The following KPNA3 variants were observed in gnomAD, a reference collection of about 807,000 sequenced individuals.
KPNA3 encodes importin subunit alpha-4.
In KPNA3, 13 loss-of-function variants were observed where a neutral mutation model predicts 73.8. The observed-to-expected ratio is 0.18, with a 90% CI of 0.11 to 0.28. KPNA3 has a LOEUF of 0.28. Ranked by LOEUF, KPNA3 falls within the 10% of genes least tolerant of loss-of-function variation. KPNA3 has a pLI of 1.00. For synonymous variants in KPNA3, 186 were observed against 206.9 expected, an observed-to-expected ratio of 0.90 and a Z score of 0.87; for missense variants, 360 against 618.1, an observed-to-expected ratio of 0.58 and a Z score of 4.43.
At chr13:49,737,561 C>G (rs12430346) in intron 2 of KPNA3, among the ~76,000 whole-genome samples, 2 of 143,066 alleles carry the variant, frequency 1.4e-5, no homozygotes, top group African/African-American at 2.7e-5. Flanking sequence ...GTGTGTGTGT[C>G]TGTGTGTGTG....
At chr13:49,720,247 T>C (rs1954342483) in intron 9 of KPNA3, among the ~76,000 whole-genome samples, 1 of 152,226 alleles carries the variant, frequency 6.6e-6, no homozygotes, top group South Asian at 2.1e-4. Context: ...TTTTACTTAA[T>C]AAGCTACTTA....
intron 1 of KPNA3, among the ~76,000 whole-genome samples, chr13:49,771,866 G>A (rs1413144399): frequency 6.6e-6 from 1 of 152,046 alleles, no homozygotes; most frequent in East Asian, 1.9e-4. Flanking sequence ...ATGTTGCCCA[G>A]GCTGGTCTTG....
intron 10 of KPNA3, among the ~76,000 whole-genome samples, chr13:49,714,429 C>A (rs1173541221): frequency 6.6e-6 from 1 of 152,062 alleles, no homozygotes; most frequent in Non-Finnish European, 1.5e-5. Context: ...AACTACCCTG[C>A]ACACTTTAAT....
intron 1 of KPNA3, among the ~76,000 whole-genome samples, chr13:49,760,726 T>TC (rs1342028278): frequency 6.6e-6 from 1 of 152,144 alleles, no homozygotes. Context: ...GTCAGGCATT[T>TC]GATTAGAATG....
At chr13:49,735,486 A>G (rs754683497) in intron 2 of KPNA3, among the ~76,000 whole-genome samples, 1 of 152,188 alleles carries the variant, frequency 6.6e-6, no homozygotes, top group Admixed American at 6.5e-5. Context: ...CAGGTTTCTA[A>G]TGGTCAGATT....
Position 49,787,781 on chromosome 13 carries a change from G to A in KPNA3, c.69+4657C>T, listed in dbSNP as rs1020037581. On this transcript the variant is annotated intron_variant, in intron 1 of 16. Transcript: ENST00000261667. The stretch of plus-strand genomic sequence containing the variant: ...TGCAAGCTCCGCCTCCCGGGTTCAC[G>A]CCATTCTCCTGCCTCAGCCTCCCGT... 4.6e-5 allele frequency among the ~76,000 whole-genome samples: 7 copies of A among 151,564 alleles called. 1 individual carries two copies. The highest frequency in any genetic ancestry group is 3.4e-3 in the Middle Eastern group (1 of 294).
At chr13:49,744,936 T>C (rs1457841519) in intron 2 of KPNA3, among the ~76,000 whole-genome samples, 2 of 152,196 alleles carry the variant, frequency 1.3e-5, no homozygotes, top group Non-Finnish European at 1.5e-5. Flanking sequence ...AGCTTAAATG[T>C]TATTTCTTCA....
intron 1 of KPNA3, among the ~76,000 whole-genome samples, chr13:49,765,687 C>A (rs1319376275): frequency 1.3e-5 from 2 of 152,148 alleles, no homozygotes; most frequent in Non-Finnish European, 2.9e-5. Flanking sequence ...CAGACACTTA[C>A]CATTCTACCA....
chr13:49,791,295 G>A (rs1193274914), intron 1 of KPNA3, among the ~76,000 whole-genome samples: 1 of 152,152 alleles, frequency 6.6e-6, no homozygotes, highest in Non-Finnish European at 1.5e-5. Flanking sequence ...AAATCATGTC[G>A]CCTAGTATTA....
chr13:49,788,654 G>A (rs6650380), intron 1 of KPNA3, among the ~76,000 whole-genome samples: 13,382 of 151,028 alleles, frequency 0.089, 728 homozygotes, highest in South Asian at 0.23. Context: ...GGGAGGAGGC[G>A]AAGGTTATAG....
chr13:49,725,325 AT>A (rs1178103223), intron 7 of KPNA3, 90 bp downstream of exon 7: 3 of 582,912 alleles, frequency 5.1e-6, no homozygotes, highest in Non-Finnish European at 5.8e-6. Context: ...CATTTAAAAA[AT>A]GTTACAAGAT....
chr13:49,749,692 T>C (rs1954646470), intron 1 of KPNA3, among the ~76,000 whole-genome samples: 1 of 152,216 alleles, frequency 6.6e-6, no homozygotes, highest in African/African-American at 2.4e-5. Flanking sequence ...TATTTATATA[T>C]GCAGCATAAT....
chr13:49,716,163 T>C (rs1954302675), intron 10 of KPNA3, among the ~76,000 whole-genome samples: 1 of 152,168 alleles, frequency 6.6e-6, no homozygotes, highest in South Asian at 2.1e-4. Flanking sequence ...TAGTCTCTAA[T>C]TTTTTATTTT....
intron 12 of KPNA3, among the ~76,000 whole-genome samples, chr13:49,708,371 A>G (rs1954227927): frequency 6.6e-6 from 1 of 152,166 alleles, no homozygotes; most frequent in South Asian, 2.1e-4. Flanking sequence ...TTTTAACAGA[A>G]AATAAACGTT....
Position 49,792,468 on chromosome 13 carries a change from C to T in KPNA3, c.39G>A (p.Lys13=), listed in dbSNP as rs772480272. The change falls in exon 1 of 17, where the codon AAG becomes AAA. Residue 13 remains lysine (K), a synonymous_variant. Coordinates refer to ENST00000261667, the MANE Select transcript of KPNA3 (RefSeq NM_002267.4). The stretch of plus-strand genomic sequence containing the variant: ...CATCGCGGCCCTTGTTCTTGAAGCT[C>T]TTGATGCGGTGGTTCTCCAAGCTGG... The part of the protein sequence containing the change: ...ENPSLENHRI[K]SFKNKGRDVE... 1.4e-5 allele frequency: 22 copies of T among 1,583,722 alleles called. No individual in the cohort carries two copies. The highest frequency in any genetic ancestry group is 1.8e-5 in the Non-Finnish European group (21 of 1,166,620).
At chr13:49,719,630 AATTT>A (rs1325459384) in intron 10 of KPNA3, 141 bp downstream of exon 10, 1 of 669,730 alleles carries the variant, frequency 1.5e-6, no homozygotes, top group Non-Finnish European at 2.6e-6. Flanking sequence ...CTATAAACCT[AATTT>A]AAGCTTAATC....
chr13:49,701,493 A>G lies in KPNA3; in HGVS notation c.*307T>C, dbSNP rs1594425476. On this transcript the variant is annotated 3_prime_UTR_variant, in exon 17 of 17. Transcript: ENST00000261667. ...GCAGCTGACATGTCACCACTATGGAATATTTATTCTAAACTGGAGACTGCA... is the reference window on the plus strand; with the variant it reads ...GCAGCTGACATGTCACCACTATGGAGTATTTATTCTAAACTGGAGACTGCA... The G allele has an allele frequency of 2.0e-6, 1 of 498,432 alleles. No homozygotes were observed. 30.9% of individuals were successfully genotyped at this position (498,432 alleles called of 1,614,324 possible).
rs140876859 is a variant in KPNA3 at position 49,774,269 on chromosome 13, A to T, written c.69+18169T>A. On this transcript the variant is annotated intron_variant, in intron 1 of 16. Transcript: ENST00000261667. ...TTTCTCCACTTCAATAAATTAATGG[A>T]TTCTTTAAAAAGAGAAAAAGATTAA... is the stretch of plus-strand genomic sequence containing the variant. Among the ~76,000 whole-genome samples the T allele has an allele frequency of 3.2e-3, 480 of 152,218 alleles. 2 individuals are homozygous for T. The highest frequency in any genetic ancestry group is 3.8e-3 in the Non-Finnish European group (259 of 68,020).
At chr13:49,759,922 GAC>G (rs34675509) in intron 1 of KPNA3, among the ~76,000 whole-genome samples, 36,283 of 152,034 alleles carry the variant, frequency 0.24, 5,161 homozygotes, top group Non-Finnish European at 0.32. Context: ...AACAGACTTA[GAC>G]AATGTTCCTC....
Sources: gnomAD v4.1 joint callset for allele counts (sites outside exome capture counted in the v4.1 genomes callset) on GRCh38, gnomAD v4.1.1 for gene constraint, MANE v1.5 for transcripts, NCBI Gene and HGNC (gene_info 2026-07-23, HGNC 2026-07-21) for gene names.